Variants in HCRTR2 observed in about 807,000 individuals in gnomAD.
The protein encoded by HCRTR2 is orexin receptor type 2.
In HCRTR2, 22 loss-of-function variants were observed where a neutral mutation model predicts 49.0. That is an observed-to-expected ratio of 0.45 (90% CI 0.32 to 0.64). The LOEUF (loss-of-function observed/expected upper bound fraction) is 0.64. HCRTR2 is among the 30% of genes least tolerant of loss of function. HCRTR2 has a pLI of 0.04. For missense variants in HCRTR2, 491 were observed against 559.4 expected (o/e 0.88, Z 1.23); for synonymous variants, 236 against 205.3 (o/e 1.15, Z -1.28).
chr6:55,178,939 A>AT (rs1434973968), intron 1 of HCRTR2, among the ~76,000 whole-genome samples: 1 of 152,218 alleles, frequency 6.6e-6, no homozygotes, highest in Non-Finnish European at 1.5e-5. Context: ...TAGTGTTTTA[A>AT]ATAACACACA....
At chr6:55,226,123 TG>T (rs1173654710) in intron 1 of HCRTR2, among the ~76,000 whole-genome samples, 1 of 152,228 alleles carries the variant, frequency 6.6e-6, no homozygotes. Context: ...CACCAACTCA[TG>T]TATCTTTAAA....
intron 1 of HCRTR2, among the ~76,000 whole-genome samples, chr6:55,123,891 T>C (rs568184824): frequency 6.6e-6 from 1 of 152,314 alleles, no homozygotes; most frequent in African/African-American, 2.4e-5. Flanking sequence ...CCATTTCTTC[T>C]AGGTTTTCTA....
At chr6:55,115,662 A>G (rs1186566393) in intron 1 of HCRTR2, among the ~76,000 whole-genome samples, 1 of 151,610 alleles carries the variant, frequency 6.6e-6, no homozygotes, top group East Asian at 1.9e-4. Context: ...TTGTTATTCC[A>G]TAATCTTTAT....
intron 1 of HCRTR2, among the ~76,000 whole-genome samples, chr6:55,197,451 C>T (rs1290425475): frequency 1.3e-5 from 2 of 152,136 alleles, no homozygotes; most frequent in Non-Finnish European, 2.9e-5. Context: ...TGAAACTCAA[C>T]CTTTACACTA....
At chr6:55,121,569 C>G (rs535797298) in intron 1 of HCRTR2, among the ~76,000 whole-genome samples, 6 of 150,884 alleles carry the variant, frequency 4.0e-5, no homozygotes, top group African/African-American at 1.5e-4. Flanking sequence ...TCCAGTTTTT[C>G]CCATTCAGTA....
At position 55,190,652 on chromosome 6, in the gene HCRTR2, C is replaced by T. The variant is rs117316581; in HGVS notation, c.223+15842C>T. On this transcript the variant is annotated intron_variant, in intron 1 of 6. Coordinates refer to ENST00000370862, the MANE Select transcript of HCRTR2 (RefSeq NM_001384272.1). Reference sequence around the variant, plus strand: ...ACTGGATAGTGAATAAGTGATTATACATAAATTCTTTTTTACAGATTATTT... The same window carrying T: ...ACTGGATAGTGAATAAGTGATTATATATAAATTCTTTTTTACAGATTATTT... Among the ~76,000 whole-genome samples the T allele has an allele frequency of 4.3e-4, 65 of 152,230 alleles. 2 individuals carry two copies. The East Asian group carries it at 0.012, about 27-fold the overall frequency.
At chr6:55,251,317 C>T (rs1404937599) in intron 2 of HCRTR2, among the ~76,000 whole-genome samples, 19 of 152,004 alleles carry the variant, frequency 1.2e-4, no homozygotes, top group Admixed American at 5.3e-4. Flanking sequence ...TATGCTGTAA[C>T]GCATTGGCAA....
intron 1 of HCRTR2, among the ~76,000 whole-genome samples, chr6:55,198,313 C>T (rs565377395): frequency 3.3e-5 from 5 of 152,208 alleles, no homozygotes; most frequent in African/African-American, 1.2e-4. Flanking sequence ...TAACATTAAC[C>T]CCAAACTTAT....
intron 1 of HCRTR2, among the ~76,000 whole-genome samples, chr6:55,139,159 G>A (rs142586348): frequency 6.8e-4 from 104 of 152,318 alleles, no homozygotes; most frequent in African/African-American, 2.4e-3. Context: ...GGAAGTTAAA[G>A]AAGGGTTCCA....
chr6:55,190,832 C>G (rs912676252), intron 1 of HCRTR2, among the ~76,000 whole-genome samples: 1 of 152,084 alleles, frequency 6.6e-6, no homozygotes. Flanking sequence ...CTTATCAAGT[C>G]AGAATTTCAG....
chr6:55,133,119 A>G (rs899641975), intron 1 of HCRTR2, among the ~76,000 whole-genome samples: 1 of 151,888 alleles, frequency 6.6e-6, no homozygotes. Flanking sequence ...TTGATACAAT[A>G]TGTTTGTGTT....
intron 1 of HCRTR2, among the ~76,000 whole-genome samples, chr6:55,200,324 G>T (rs1244829386): frequency 6.6e-6 from 1 of 150,808 alleles, no homozygotes; most frequent in African/African-American, 2.4e-5. Flanking sequence ...GAGTGCAATG[G>T]TGGGATCTTG....
intron 1 of HCRTR2, among the ~76,000 whole-genome samples, chr6:55,157,592 G>A (rs971006013): frequency 1.3e-5 from 2 of 152,226 alleles, no homozygotes; most frequent in African/African-American, 4.8e-5. Flanking sequence ...CCAGTGCTAT[G>A]TTGGCTTCTA....
rs1766757501 is a variant in HCRTR2 at position 55,261,609 on chromosome 6, C to A, written c.647-2098C>A. ...TTACTCTTACAAGGATGGCCATAAT[C>A]AAAAAGCCAAAAAATTAAGGACATT... On this transcript the variant is annotated intron_variant, in intron 3 of 6. Coordinates refer to ENST00000370862, the MANE Select transcript of HCRTR2 (RefSeq NM_001384272.1). Among the ~76,000 whole-genome samples, 3 of 151,832 alleles carry A rather than the reference C, an allele frequency of 2.0e-5. No homozygotes were observed. The South Asian group carries it at 6.2e-4, about 32-fold the overall frequency.
chr6:55,123,562 A>G (rs148405049), intron 1 of HCRTR2, among the ~76,000 whole-genome samples: 3 of 152,190 alleles, frequency 2.0e-5, no homozygotes, highest in African/African-American at 4.8e-5. Flanking sequence ...ATCCATGTTC[A>G]TGAGGGATAT....
At chr6:55,250,156 A>G (rs1471122233) in intron 2 of HCRTR2, among the ~76,000 whole-genome samples, 4 of 152,130 alleles carry the variant, frequency 2.6e-5, no homozygotes, top group South Asian at 2.1e-4. Flanking sequence ...AGCTCCATGC[A>G]TATATTATGT....
chr6:55,162,188 A>G (rs1398684316), intron 1 of HCRTR2, among the ~76,000 whole-genome samples: 1 of 152,182 alleles, frequency 6.6e-6, no homozygotes, highest in East Asian at 1.9e-4. Flanking sequence ...TCAACATACG[A>G]AAATCAATAA....
intron 1 of HCRTR2, among the ~76,000 whole-genome samples, chr6:55,207,766 A>G (rs1276861471): frequency 1.3e-5 from 2 of 152,204 alleles, no homozygotes; most frequent in Admixed American, 6.5e-5. Flanking sequence ...GGTGACTGAT[A>G]AAGTTTCTTC....
chr6:55,198,267 CA>C (rs1172777339), intron 1 of HCRTR2, among the ~76,000 whole-genome samples: 1 of 152,100 alleles, frequency 6.6e-6, no homozygotes, highest in Admixed American at 6.6e-5. Context: ...AAACTAACTC[CA>C]AACTTATCTT....
Sources: gnomAD v4.1 joint callset for allele counts (sites outside exome capture counted in the v4.1 genomes callset) on GRCh38, gnomAD v4.1.1 for gene constraint, MANE v1.5 for transcripts, NCBI Gene and HGNC (gene_info 2026-07-23, HGNC 2026-07-21) for gene names.